UEVLD: variants seen among roughly 807,000 people sequenced by gnomAD.
The protein encoded by UEVLD is ubiquitin-conjugating enzyme E2 variant 3.
UEVLD carries 47 observed loss-of-function variants against 58.6 expected under a neutral mutation model. The ratio of observed to expected loss-of-function variants is 0.80; its 90% CI spans 0.63 to 1.02. UEVLD has a LOEUF of 1.02. Among genes scored for constraint, UEVLD ranks in the 50% least tolerant of loss-of-function variants. UEVLD has a pLI of 0.00. For synonymous variants in UEVLD, 197 were observed against 195.3 expected, an observed-to-expected ratio of 1.01 and a Z score of -0.07; for missense variants, 510 against 550.6, an observed-to-expected ratio of 0.93 and a Z score of 0.74.
At chr11:18,566,517 A>G in intron 4 of UEVLD, 35 bp from the exon 5 acceptor site, 2 of 1,605,016 alleles carry the variant, frequency 1.2e-6, no homozygotes, top group Non-Finnish European at 1.7e-6. Context: ...AAGTTACACA[A>G]AAATTTTGCT....
intron 1 of UEVLD, among the ~76,000 whole-genome samples, chr11:18,580,280 G>GA (rs1357123591): frequency 6.6e-6 from 1 of 152,060 alleles, no homozygotes; most frequent in African/African-American, 2.4e-5. Context: ...GCTGCTTTGG[G>GA]AAACAGCCTG....
chr11:18,537,814 C>T (rs1465232486), intron 9 of UEVLD, among the ~76,000 whole-genome samples: 1 of 151,986 alleles, frequency 6.6e-6, no homozygotes, highest in African/African-American at 2.4e-5. Flanking sequence ...AGGTGCCTGC[C>T]ACCACACCAG....
At chr11:18,588,560 G>A in intron 1 of UEVLD, 53 bp downstream of exon 1, 1 of 1,593,768 alleles carries the variant, frequency 6.3e-7, no homozygotes, top group Middle Eastern at 1.7e-4. Flanking sequence ...AAAGGCAGAG[G>A]CACCCCCCGC....
At chr11:18,539,515 C>T (rs747316598) in intron 9 of UEVLD, among the ~76,000 whole-genome samples, 25 of 152,002 alleles carry the variant, frequency 1.6e-4, no homozygotes, top group Non-Finnish European at 2.5e-4. Flanking sequence ...TTACATTGGG[C>T]GGGATGTTTT....
intron 6 of UEVLD, among the ~76,000 whole-genome samples, chr11:18,562,528 C>T (rs988396769): frequency 1.3e-5 from 2 of 150,524 alleles, no homozygotes; most frequent in East Asian, 2.0e-4. Context: ...GGAGACACAG[C>T]GAGACTCCAT....
intron 8 of UEVLD, among the ~76,000 whole-genome samples, chr11:18,545,074 A>ATCTTT (rs1345787784): frequency 2.4e-5 from 2 of 84,572 alleles, no homozygotes; most frequent in Non-Finnish European, 5.2e-5. Context: ...CTATATCTAT[A>ATCTTT]TTTTTTTTTT....
intron 9 of UEVLD, among the ~76,000 whole-genome samples, chr11:18,537,560 A>C (rs1850861599): frequency 6.6e-6 from 1 of 150,900 alleles, no homozygotes; most frequent in African/African-American, 2.4e-5. Flanking sequence ...CGAACTCCTG[A>C]CCTCAGGTGA....
intron 9 of UEVLD, 140 bp downstream of exon 9, chr11:18,544,483 C>T: frequency 1.7e-5 from 15 of 858,330 alleles, no homozygotes; most frequent in Non-Finnish European, 2.6e-5. Context: ...AATTTTTTAT[C>T]TTTTTGTAGA....
chr11:18,558,177 T>G, intron 7 of UEVLD, 51 bp downstream of exon 7: 1 of 1,364,908 alleles, frequency 7.3e-7, no homozygotes, highest in Non-Finnish European at 1.0e-6. Context: ...ATTCTAGGAG[T>G]CAAAAATGAA....
intron 3 of UEVLD, among the ~76,000 whole-genome samples, chr11:18,573,244 C>T (rs1051001967): frequency 1.3e-5 from 2 of 152,200 alleles, no homozygotes; most frequent in Non-Finnish European, 2.9e-5. Context: ...CGAAATGCTA[C>T]TAAGCAGTAA....
intron 1 of UEVLD, among the ~76,000 whole-genome samples, chr11:18,580,106 T>A (rs1309184758): frequency 6.9e-6 from 1 of 144,684 alleles, no homozygotes; most frequent in Non-Finnish European, 1.5e-5. Context: ...TCGAGGGACC[T>A]AGAATAGCCA....
rs1184992910 is a variant in UEVLD, at chr11:18,529,924, C to T, written c.*2396G>A. 1 of 152,210 alleles carries T rather than the reference C, an allele frequency of 6.6e-6. No individual in the cohort carries two copies. The highest frequency in any genetic ancestry group is 1.5e-5 in the Non-Finnish European group (1 of 68,030). The allele number at this position is 152,210 out of a possible 1,614,324, so 9.4% of individuals were successfully genotyped here. A position where few individuals can be genotyped will look rare whatever the true frequency, so the allele number is the denominator to read the frequency against. On this transcript the variant is annotated 3_prime_UTR_variant, in exon 12 of 12. Transcript: ENST00000396197. Reference sequence around the variant, plus strand: ...TATCTGATACAGAGAATTACTTCTACATTGTGGCCTTCCAGAGGGCAAAGA... The same window carrying T: ...TATCTGATACAGAGAATTACTTCTATATTGTGGCCTTCCAGAGGGCAAAGA...
At chr11:18,567,685 C>T (rs1212564891) in intron 4 of UEVLD, among the ~76,000 whole-genome samples, 9 of 152,230 alleles carry the variant, frequency 5.9e-5, no homozygotes, top group Non-Finnish European at 1.2e-4. Context: ...CCCTCTGAAT[C>T]TCTCAGAGAA....
At chr11:18,575,843 CA>C (rs1299068526) in intron 2 of UEVLD, among the ~76,000 whole-genome samples, 2 of 144,904 alleles carry the variant, frequency 1.4e-5, no homozygotes, top group East Asian at 2.4e-4. Flanking sequence ...AAATAATTGT[CA>C]ATGTCAGTTG....
chr11:18,576,515 G>A (rs1590368849), intron 2 of UEVLD, among the ~76,000 whole-genome samples: 1 of 152,094 alleles, frequency 6.6e-6, no homozygotes, highest in East Asian at 1.9e-4. Flanking sequence ...AACAGAGCGA[G>A]ACTCCATCTC....
intron 6 of UEVLD, chr11:18,563,718 T>G: frequency 2.0e-6 from 2 of 985,094 alleles, no homozygotes; most frequent in Non-Finnish European, 2.4e-6. Context: ...TAAGAGGTAA[T>G]AGCAGGCCAG....
intron 9 of UEVLD, among the ~76,000 whole-genome samples, chr11:18,542,118 A>G (rs943304614): frequency 6.6e-6 from 1 of 152,168 alleles, no homozygotes; most frequent in African/African-American, 2.4e-5. Context: ...AAATAATAAC[A>G]TGTTTTAGGA....
intron 5 of UEVLD, among the ~76,000 whole-genome samples, chr11:18,566,088 AG>A (rs1245609727): frequency 2.0e-5 from 3 of 151,682 alleles, no homozygotes; most frequent in Non-Finnish European, 2.9e-5. Flanking sequence ...TAGTAGAGAT[AG>A]GGTTTCACCA....
Position 18,532,441 on chromosome 11 carries a change from A to G in UEVLD, c.1295T>C (p.Ile432Thr). The G allele has an allele frequency of 6.2e-7, 1 of 1,613,226 alleles. No individual in the cohort carries two copies. Among genetic ancestry groups the G allele is most frequent in the Non-Finnish European group, 8.5e-7 (1 of 1,179,638 alleles). Residue 432 changes from isoleucine to threonine, a missense_variant, in exon 12 of 12, where the codon ATC becomes ACC. By Grantham distance (89) the Ile-to-Thr change is moderately conservative (BLOSUM62 -1). Transcript: ENST00000396197. ...TTCAGATACTCCATTGGTTCCAAGG[A>G]TGCAAGGCAAACTTAAAAACACTTC... Reference protein sequence around the residue: ...NSEVFLSLPCILGTNGVSEVI... With the variant: ...NSEVFLSLPCTLGTNGVSEVI...
Sources: allele counts gnomAD v4.1 joint callset (sites outside exome capture counted in the v4.1 genomes callset), GRCh38; gene constraint gnomAD v4.1.1; transcripts MANE v1.5; gene names NCBI Gene and HGNC (gene_info 2026-07-23, HGNC 2026-07-21).